The following ABAT variants were observed in gnomAD, a reference collection of about 807,000 sequenced individuals.
ABAT encodes 4-aminobutyrate aminotransferase.
A neutral mutation model predicts 64.6 loss-of-function variants in ABAT; 45 were observed. That is an observed-to-expected ratio of 0.70 (90% CI 0.55 to 0.89). The LOEUF (loss-of-function observed/expected upper bound fraction) is 0.89, where lower values mean the gene tolerates loss of function less well. Among genes scored for constraint, ABAT ranks in the 40% least tolerant of loss-of-function variants. The probability of loss-of-function intolerance (pLI) is 0.00; values close to 1 mark genes in which losing one functional copy is unlikely to be tolerated. For missense variants in ABAT, 633 were observed against 658.4 expected (o/e 0.96, Z 0.42); for synonymous variants, 297 against 250.5 (o/e 1.19, Z -1.75).
rs2060272657 is a variant in ABAT, at chr16:8,776,634, C to T, written c.1269+144C>T. On this transcript the variant is annotated intron_variant, in intron 14 of 15. Coordinates refer to ENST00000268251, the MANE Select transcript of ABAT (RefSeq NM_020686.6). This position sits in a 1 kb window ranked among gnomAD's most constrained non-coding sequence, Gnocchi z 4.4. ...GCTGTGCTGCTCCTAGCCTTGGGGG[C>T]TTTGCACATGCTGTGTCCTCTGCAG... The T allele has an allele frequency of 1.7e-5, 15 of 881,628 alleles. No individual in the cohort carries two copies. Among genetic ancestry groups the T allele is most frequent in the Admixed American group, 8.2e-5 (4 of 48,968 alleles). 54.6% of individuals were successfully genotyped at this position (881,628 alleles called of 1,614,324 possible).
intron 1 of ABAT, among the ~76,000 whole-genome samples, chr16:8,675,850 A>T (rs35853974): frequency 6.6e-6 from 1 of 151,988 alleles, no homozygotes; most frequent in Non-Finnish European, 1.5e-5. Flanking sequence ...GCCCTCTTCC[A>T]AGAGGGCCCG....
At chr16:8,771,680 G>T (rs2060114820) in intron 11 of ABAT, among the ~76,000 whole-genome samples, 2 of 151,954 alleles carry the variant, frequency 1.3e-5, no homozygotes. Flanking sequence ...TGGTAGCCAG[G>T]CTGGTCTGGA....
At chr16:8,748,011 GA>G (rs1567301798) in intron 3 of ABAT, 96 bp from the exon 4 acceptor site, 2 of 1,231,934 alleles carry the variant, frequency 1.6e-6, no homozygotes, top group Non-Finnish European at 2.4e-6. Context: ...ATTGGCAAAA[GA>G]AAAAAATGCC....
rs182667657 is a variant in ABAT, at chr16:8,713,842, G to A, written c.-41-21857G>A. On this transcript the variant is annotated intron_variant, in intron 1 of 15. Transcript: ENST00000268251. ...TTTAAGCAAGCGAGCTGAGCTCGCC[G>A]CAGGACTCCGACTACCAGGCACCGT... The A allele has an allele frequency of 9.2e-4, 419 of 456,018 alleles. 2 individuals carry two copies. The highest frequency in any genetic ancestry group is 6.0e-3 in the South Asian group (388 of 64,552). The allele number at this position is 456,018 out of a possible 1,614,324, so 28.2% of individuals were successfully genotyped here.
At chr16:8,698,534 A>G (rs113184977) in intron 1 of ABAT, among the ~76,000 whole-genome samples, 7,402 of 152,132 alleles carry the variant, frequency 0.049, 586 homozygotes, top group African/African-American at 0.17. Flanking sequence ...GGGTTTCACC[A>G]TGTTGTCCAG....
intron 5 of ABAT, among the ~76,000 whole-genome samples, chr16:8,751,568 C>G (rs2059484456): frequency 6.6e-6 from 1 of 152,204 alleles, no homozygotes; most frequent in African/African-American, 2.4e-5. Context: ...GAGTTGGTCT[C>G]AGACTGAAGC....
chr16:8,755,665 C>T (rs1389533826), intron 5 of ABAT, among the ~76,000 whole-genome samples: 1 of 152,162 alleles, frequency 6.6e-6, no homozygotes, highest in Admixed American at 6.5e-5. Context: ...AATCCTAGCA[C>T]TTTGGAAGGC....
intron 6 of ABAT, among the ~76,000 whole-genome samples, chr16:8,759,712 T>C (rs112668093): frequency 0.026 from 3,950 of 152,192 alleles, 191 homozygotes; most frequent in African/African-American, 0.09. Flanking sequence ...TTTGTTGTTT[T>C]CTTTTGTTTT....
chr16:8,723,060 C>G (rs1036409321), intron 1 of ABAT, among the ~76,000 whole-genome samples: 5 of 152,096 alleles, frequency 3.3e-5, no homozygotes, highest in Admixed American at 1.3e-4. Flanking sequence ...TGGTGAAACC[C>G]TGTCTCTACA....
chr16:8,762,102 G>A (rs747427737), intron 6 of ABAT, among the ~76,000 whole-genome samples: 2 of 151,916 alleles, frequency 1.3e-5, no homozygotes, highest in Non-Finnish European at 2.9e-5. Context: ...GGACTCAAAA[G>A]ATCCTCCCAC....
chr16:8,677,407 A>T (rs1047920328), intron 1 of ABAT, among the ~76,000 whole-genome samples: 4 of 152,232 alleles, frequency 2.6e-5, no homozygotes, highest in African/African-American at 9.6e-5. Context: ...CAGATGGAGT[A>T]GAGAGTTGGC....
At chr16:8,676,964 C>G (rs1179442281) in intron 1 of ABAT, among the ~76,000 whole-genome samples, 1 of 152,230 alleles carries the variant, frequency 6.6e-6, no homozygotes, top group African/African-American at 2.4e-5. Context: ...GAGGCTCTCT[C>G]TGTTTCTGCC....
chr16:8,769,514 G>T (rs139668285), intron 11 of ABAT, among the ~76,000 whole-genome samples: 1 of 136,218 alleles, frequency 7.3e-6, no homozygotes, highest in South Asian at 2.2e-4. Context: ...AGCCAAGATT[G>T]CACCACTGCA....
At chr16:8,704,517 G>A (rs1308770056) in intron 1 of ABAT, among the ~76,000 whole-genome samples, 2 of 152,166 alleles carry the variant, frequency 1.3e-5, no homozygotes, top group African/African-American at 2.4e-5. Flanking sequence ...CTACAAAAAG[G>A]TGGCAACAAA....
At chr16:8,687,996 C>T (rs1042234491) in intron 1 of ABAT, among the ~76,000 whole-genome samples, 2 of 151,986 alleles carry the variant, frequency 1.3e-5, no homozygotes, top group African/African-American at 4.8e-5. Flanking sequence ...CCTCTAGGCT[C>T]AAGGGATCCT....
In ABAT at chr16:8,774,817, C is replaced by T. The variant is rs568519796; in HGVS notation, c.955-73C>T. On this transcript the variant is annotated intron_variant, in intron 12 of 15. Transcript: ENST00000268251. ...TGTGGACCCAGGGTTTGGCAGTTAG[C>T]TGGCTATGGAGGGCATGAATTTCTG... 2.5e-4 allele frequency: 397 copies of T among 1,586,412 alleles called. 1 individual carries two copies. In the South Asian group the frequency reaches 3.8e-3, roughly 15 times the overall value.
chr16:8,740,691 C>T (rs1390701349), intron 2 of ABAT, among the ~76,000 whole-genome samples: 1 of 152,202 alleles, frequency 6.6e-6, no homozygotes, highest in African/African-American at 2.4e-5. Flanking sequence ...TTCCCAATGG[C>T]ATCATTTTAT....
intron 1 of ABAT, among the ~76,000 whole-genome samples, chr16:8,709,461 C>T (rs2058022428): frequency 6.6e-6 from 1 of 152,094 alleles, no homozygotes; most frequent in Non-Finnish European, 1.5e-5. Flanking sequence ...GCAACCTCCG[C>T]CTCCTGGGTT....
chr16:8,701,355 T>A (rs1201589668), intron 1 of ABAT, among the ~76,000 whole-genome samples: 1 of 151,920 alleles, frequency 6.6e-6, no homozygotes, highest in Non-Finnish European at 1.5e-5. Context: ...TGAGCTGTAA[T>A]CAAATCTGGA....
Sources: gnomAD v4.1 joint callset for allele counts (sites outside exome capture counted in the v4.1 genomes callset) on GRCh38, gnomAD v4.1.1 for gene constraint, Gnocchi (gnomAD v3.1) non-coding constraint, MANE v1.5 for transcripts, NCBI Gene and HGNC (gene_info 2026-07-23, HGNC 2026-07-21) for gene names.